Variants in FBXL17 observed in about 807,000 individuals in gnomAD.
FBXL17 encodes F-box and leucine rich repeat protein 17.
A neutral mutation model predicts 66.2 loss-of-function variants in FBXL17; 22 were observed. The ratio of observed to expected loss-of-function variants is 0.33; its 90% confidence interval spans 0.24 to 0.47. The LOEUF (loss-of-function observed/expected upper bound fraction) is 0.47, where lower values mean the gene tolerates loss of function less well. FBXL17 is among the 20% of genes least tolerant of loss of function. FBXL17 has a pLI of 1.00. For missense variants in FBXL17, 878 were observed against 948.2 expected (o/e 0.93, Z 0.97); for synonymous variants, 474 against 400.5 (o/e 1.18, Z -2.19).
chr5:107,897,331 T>C (rs189717210), intron 7 of FBXL17, among the ~76,000 whole-genome samples: 4 of 152,230 alleles, frequency 2.6e-5, no homozygotes, highest in Admixed American at 1.3e-4. Flanking sequence ...GCAAATGTAG[T>C]TGAATTCATG....
intron 7 of FBXL17, among the ~76,000 whole-genome samples, chr5:107,905,062 T>C (rs1354636870): frequency 6.6e-6 from 1 of 151,882 alleles, no homozygotes; most frequent in Non-Finnish European, 1.5e-5. Flanking sequence ...TTTTGCTATA[T>C]ATATATATAT....
At chr5:107,934,931 T>C (rs924245837) in intron 7 of FBXL17, among the ~76,000 whole-genome samples, 1 of 152,170 alleles carries the variant, frequency 6.6e-6, no homozygotes, top group African/African-American at 2.4e-5. Flanking sequence ...CAGTATTCTT[T>C]TGACTGGAAA....
At position 107,988,885 on chromosome 5, in the gene FBXL17, T is replaced by C. The variant is rs373347718; in HGVS notation, c.1822+32040A>G. Among the ~76,000 whole-genome samples the C allele has an allele frequency of 4.0e-4, 61 of 152,200 alleles. 1 individual carries two copies. Among genetic ancestry groups the C allele is most frequent in the African/African-American group, 1.2e-3 (51 of 41,588 alleles). ...GAAATTTGGCCAAGAAAGAATCTTG[T>C]ACAAAGAAGCCAACTCTTAATTGTA... On this transcript the variant is annotated intron_variant, in intron 7 of 8. Transcript: ENST00000542267.
intron 6 of FBXL17, among the ~76,000 whole-genome samples, chr5:108,137,361 G>T (rs981376087): frequency 6.6e-6 from 1 of 152,080 alleles, no homozygotes; most frequent in East Asian, 1.9e-4. Context: ...TCTCTCATAC[G>T]TTATTTGGAA....
At chr5:108,333,033 T>G (rs949380420) in intron 4 of FBXL17, among the ~76,000 whole-genome samples, 1 of 123,544 alleles carries the variant, frequency 8.1e-6, no homozygotes, top group African/African-American at 4.0e-5. Flanking sequence ...GCTTCAAAAA[T>G]AGATATAAAA....
intron 6 of FBXL17, among the ~76,000 whole-genome samples, chr5:108,160,625 TTCATATACTAGAGG>T (rs1304220704): frequency 2.0e-5 from 3 of 152,168 alleles, no homozygotes; most frequent in Non-Finnish European, 4.4e-5. Context: ...GGAAGCCCTT[TTCATATACTAGAGG>T]CAGCCACCCT....
intron 6 of FBXL17, among the ~76,000 whole-genome samples, chr5:108,083,209 T>C (rs997905521): frequency 1.0e-4 from 12 of 115,436 alleles, no homozygotes; most frequent in Non-Finnish European, 1.8e-4. Context: ...TCCCTCACCC[T>C]CACCTCAGAA....
At chr5:108,075,519 C>A (rs751289926) in intron 6 of FBXL17, among the ~76,000 whole-genome samples, 46 of 152,174 alleles carry the variant, frequency 3.0e-4, no homozygotes, top group Admixed American at 5.2e-4. Context: ...TCTTGTTGCC[C>A]AGGCTGGAGT....
At chr5:107,991,466 T>C (rs147308983) in intron 7 of FBXL17, among the ~76,000 whole-genome samples, 10 of 152,344 alleles carry the variant, frequency 6.6e-5, no homozygotes, top group African/African-American at 2.4e-4. Context: ...GCTCATACCA[T>C]GCCCATGCAT....
At chr5:108,262,054 T>TTTTATTTA (rs1216863257) in intron 4 of FBXL17, among the ~76,000 whole-genome samples, 5 of 112,006 alleles carry the variant, frequency 4.5e-5, no homozygotes, top group Non-Finnish European at 1.1e-4. Flanking sequence ...GTGATACATA[T>TTTTATTTA]TTTATTTATT....
intron 6 of FBXL17, among the ~76,000 whole-genome samples, chr5:108,057,139 T>C (rs1335039069): frequency 6.6e-6 from 1 of 152,210 alleles, no homozygotes; most frequent in Non-Finnish European, 1.5e-5. Flanking sequence ...AAAATTTAAG[T>C]AAAAAGTGTT....
At chr5:107,987,839 T>C (rs977627737) in intron 7 of FBXL17, among the ~76,000 whole-genome samples, 2 of 152,028 alleles carry the variant, frequency 1.3e-5, no homozygotes, top group Non-Finnish European at 2.9e-5. Context: ...AATACATCTA[T>C]ACCATTTTAA....
chr5:108,093,529 G>C (rs1477175146), intron 6 of FBXL17, among the ~76,000 whole-genome samples: 1 of 152,020 alleles, frequency 6.6e-6, no homozygotes, highest in Non-Finnish European at 1.5e-5. Flanking sequence ...AAGCTGAAAA[G>C]GTAATTTACA....
intron 3 of FBXL17, among the ~76,000 whole-genome samples, chr5:108,352,900 T>C (rs1747742397): frequency 6.6e-6 from 1 of 152,160 alleles, no homozygotes; most frequent in South Asian, 2.1e-4. Context: ...AGAAATCCTG[T>C]GAAGTGCCCT....
chr5:108,380,621 G>C (rs1355113127), intron 1 of FBXL17, 78 bp downstream of exon 1: 3 of 932,756 alleles, frequency 3.2e-6, no homozygotes, highest in Admixed American at 4.3e-5. Flanking sequence ...CGCTTAGGGG[G>C]AGGAGAGAGA....
chr5:108,100,167 G>A (rs1291573132), intron 6 of FBXL17, among the ~76,000 whole-genome samples: 1 of 152,006 alleles, frequency 6.6e-6, no homozygotes, highest in Non-Finnish European at 1.5e-5. Context: ...ATTTACAATT[G>A]TATTATTTGC....
chr5:108,226,152 C>T (rs1755090360), intron 4 of FBXL17, among the ~76,000 whole-genome samples: 1 of 152,114 alleles, frequency 6.6e-6, no homozygotes, highest in South Asian at 2.1e-4. Flanking sequence ...TAGTTTGTCA[C>T]TCTTCCCCTC....
At chr5:108,298,982 G>A (rs1758463766) in intron 4 of FBXL17, 1 of 970,716 alleles carries the variant, frequency 1.0e-6, no homozygotes, top group Non-Finnish European at 1.2e-6. Flanking sequence ...TAATGTATTA[G>A]GAGAGTATAA....
intron 4 of FBXL17, among the ~76,000 whole-genome samples, chr5:108,293,326 A>C (rs1036070606): frequency 1.3e-5 from 2 of 152,192 alleles, no homozygotes; most frequent in South Asian, 2.1e-4. Context: ...TATTCACAAG[A>C]AACTACTGAA....
Sources: gnomAD v4.1 joint callset for allele counts (sites outside exome capture counted in the v4.1 genomes callset) on GRCh38, gnomAD v4.1.1 for gene constraint, MANE v1.5 for transcripts, NCBI Gene and HGNC (gene_info 2026-07-23, HGNC 2026-07-21) for gene names.